Variants in TMEM117 observed in about 807,000 individuals in gnomAD.
The protein encoded by TMEM117 is transmembrane protein 117.
In TMEM117, 27 loss-of-function variants were observed where a neutral mutation model predicts 52.4. That is an observed-to-expected ratio of 0.51 (90% CI 0.38 to 0.71). TMEM117 has a LOEUF of 0.71. TMEM117 is among the 30% of genes least tolerant of loss of function. The probability of loss-of-function intolerance (pLI) is 0.00; values close to 1 mark genes in which losing one functional copy is unlikely to be tolerated. For missense variants in TMEM117, 556 were observed against 630.5 expected (o/e 0.88, Z 1.26); for synonymous variants, 215 against 206.3 (o/e 1.04, Z -0.36).
intron 2 of TMEM117, among the ~76,000 whole-genome samples, chr12:43,872,203 A>G (rs1360108751): frequency 6.6e-6 from 1 of 152,126 alleles, no homozygotes; most frequent in African/African-American, 2.4e-5. Flanking sequence ...AGGCATTTCA[A>G]AGCACTCTAT....
chr12:43,968,800 G>A (rs994393369), intron 3 of TMEM117, among the ~76,000 whole-genome samples: 19 of 152,106 alleles, frequency 1.2e-4, no homozygotes, highest in African/African-American at 4.6e-4. Flanking sequence ...GTGTAATGCT[G>A]TTTCAGTTAT....
chr12:43,863,283 C>A (rs4768050), intron 2 of TMEM117, among the ~76,000 whole-genome samples: 9,531 of 148,102 alleles, frequency 0.064, 906 homozygotes, highest in South Asian at 0.14. Context: ...AACAAACAAA[C>A]AAAACTTCAA....
intron 3 of TMEM117, among the ~76,000 whole-genome samples, chr12:44,077,862 T>C (rs553461273): frequency 1.3e-5 from 2 of 152,286 alleles, no homozygotes; most frequent in Admixed American, 1.3e-4. Context: ...ATTCATACTT[T>C]ATATTTTCTT....
intron 6 of TMEM117, among the ~76,000 whole-genome samples, chr12:44,317,086 T>C (rs1565708162): frequency 6.7e-6 from 1 of 149,606 alleles, no homozygotes; most frequent in Non-Finnish European, 1.5e-5. Context: ...TCTTAATCCG[T>C]CATTTCTGAG....
intron 5 of TMEM117, among the ~76,000 whole-genome samples, chr12:44,245,023 C>T (rs1950111482): frequency 6.6e-6 from 1 of 151,962 alleles, no homozygotes; most frequent in Non-Finnish European, 1.5e-5. Context: ...TATTCCTAGG[C>T]TGTCTGTTCT....
In TMEM117 at chr12:44,103,666, T is replaced by G. The variant is rs544437374; in HGVS notation, c.411-39859T>G. 3.3e-4 allele frequency among the ~76,000 whole-genome samples: 50 copies of G among 152,130 alleles called. 1 individual carries two copies. The highest frequency in any genetic ancestry group is 3.4e-3 in the Middle Eastern group (1 of 294). On this transcript the variant is annotated intron_variant, in intron 3 of 7. Coordinates refer to ENST00000266534, the MANE Select transcript of TMEM117 (RefSeq NM_032256.3). The stretch of plus-strand genomic sequence containing the variant: ...CTCCTCAAGGATGCAGTCCTGAAAC[T>G]TTGCATGCTGATGGATCCCAGCACT...
intron 5 of TMEM117, among the ~76,000 whole-genome samples, chr12:44,275,048 C>A (rs1950495546): frequency 6.6e-6 from 1 of 152,006 alleles, no homozygotes; most frequent in African/African-American, 2.4e-5. Context: ...TACAAACTAC[C>A]CATCTGACGA....
intron 4 of TMEM117, among the ~76,000 whole-genome samples, chr12:44,176,259 C>CT (rs1345174491): frequency 6.6e-6 from 1 of 152,104 alleles, no homozygotes. Context: ...GGGCAAGGAT[C>CT]TTTTTTTCTC....
At position 44,388,063 on chromosome 12, in the gene TMEM117, G is replaced by A. The variant is rs1311827583; in HGVS notation, c.936G>A (p.Leu312=). ...WFNYGIIFLV[L]ILDLNMWKNQ... ...ACTATGGAATTATCTTCCTCGTCTT[G>A]ATTTTGGATCTTAATATGTGGAAGA... The change falls in exon 8 of 8, where the codon TTG becomes TTA. Residue 312 remains leucine, a synonymous_variant. Transcript: ENST00000266534. 1 of 1,611,604 alleles carries A rather than the reference G, an allele frequency of 6.2e-7. No individual in the cohort carries two copies. Among genetic ancestry groups the A allele is most frequent in the East Asian group, 2.2e-5 (1 of 44,776 alleles).
chr12:43,976,883 A>G (rs1945679641), intron 3 of TMEM117, among the ~76,000 whole-genome samples: 1 of 152,192 alleles, frequency 6.6e-6, no homozygotes, highest in Non-Finnish European at 1.5e-5. Context: ...ATAACATAAG[A>G]CAAACATGAG....
chr12:43,800,565 T>G, the TMEM117 span: 1 of 1,514,748 alleles, frequency 6.6e-7, no homozygotes, highest in African/African-American at 1.4e-5. Context: ...AGTTTATAGA[T>G]GAAAACATAA....
chr12:43,956,290 A>G (rs142714265), intron 3 of TMEM117, among the ~76,000 whole-genome samples: 2,023 of 152,292 alleles, frequency 0.013, 48 homozygotes, highest in African/African-American at 0.046. Flanking sequence ...AAATTGACAA[A>G]TGGCGTCTAA....
intron 3 of TMEM117, among the ~76,000 whole-genome samples, chr12:44,022,636 G>A (rs1249043323): frequency 6.6e-6 from 1 of 152,134 alleles, no homozygotes; most frequent in Non-Finnish European, 1.5e-5. Flanking sequence ...AGGAGGGGGT[G>A]ATATTCAGTT....
intron 5 of TMEM117, among the ~76,000 whole-genome samples, chr12:44,235,265 A>G (rs1283150775): frequency 1.3e-5 from 2 of 151,422 alleles, no homozygotes; most frequent in Non-Finnish European, 3.0e-5. Flanking sequence ...TTTTGTTGTC[A>G]TGGGTATCAT....
chr12:44,135,799 T>G (rs113505413), intron 3 of TMEM117, among the ~76,000 whole-genome samples: 1 of 152,330 alleles, frequency 6.6e-6, no homozygotes, highest in East Asian at 1.9e-4. Flanking sequence ...TGGCAACTGT[T>G]AATTATTGTA....
chr12:43,966,350 CACA>C (rs1379887927), intron 3 of TMEM117, among the ~76,000 whole-genome samples: 27 of 152,274 alleles, frequency 1.8e-4, no homozygotes, highest in East Asian at 3.9e-4. Context: ...TAAAATAATA[CACA>C]ACATTACCTA....
At chr12:44,075,474 G>C (rs536463201) in intron 3 of TMEM117, among the ~76,000 whole-genome samples, 1 of 152,164 alleles carries the variant, frequency 6.6e-6, no homozygotes, top group African/African-American at 2.4e-5. Context: ...TTTGAACAAG[G>C]AGATCCATAT....
chr12:44,258,483 A>C (rs543394067), intron 5 of TMEM117, among the ~76,000 whole-genome samples: 1 of 152,122 alleles, frequency 6.6e-6, no homozygotes, highest in Non-Finnish European at 1.5e-5. Flanking sequence ...AAATATTTTT[A>C]ACATTAAAGC....
intron 3 of TMEM117, among the ~76,000 whole-genome samples, chr12:43,960,517 G>A (rs1043509639): frequency 3.9e-5 from 6 of 152,160 alleles, no homozygotes; most frequent in Admixed American, 1.3e-4. Context: ...GTTTGAATTG[G>A]TGAAGTTTTA....
Sources: allele counts gnomAD v4.1 joint callset (sites outside exome capture counted in the v4.1 genomes callset), GRCh38; gene constraint gnomAD v4.1.1; transcripts MANE v1.5; gene names NCBI Gene and HGNC (gene_info 2026-07-23, HGNC 2026-07-21).